C10orf53: variants seen among roughly 807,000 people sequenced by gnomAD.
C10orf53 encodes the protein chromosome 10 open reading frame 53.
In C10orf53, 8 loss-of-function variants were observed where a neutral mutation model predicts 9.4. That is an observed-to-expected ratio of 0.85 (90% CI 0.50 to 1.53). The LOEUF (loss-of-function observed/expected upper bound fraction) is 1.53. Among genes scored for constraint, C10orf53 ranks in the 40% most tolerant of loss-of-function variants. C10orf53 has a pLI of 0.00. For synonymous variants in C10orf53, 48 were observed against 46.0 expected (o/e 1.04, Z -0.18); for missense variants, 117 against 117.8 (o/e 0.99, Z 0.03).
rs920124414 is a variant in C10orf53, at chr10:49,679,752, C to T, written c.55C>T (p.Leu19=). The T allele has an allele frequency of 6.5e-6, 10 of 1,546,744 alleles. No homozygotes were observed. In the African/African-American group the frequency reaches 1.4e-4, roughly 21 times the overall value. Residue 19 remains leucine, a synonymous_variant, in exon 1 of 3, where the codon CTA becomes TTA. Transcript: ENST00000374111. ...LRYGPYSAAG[L]PVEHHTFRLQ... is the part of the protein sequence containing the mutation. Reference sequence around the variant, plus strand: ...CTATGGGCCCTACAGCGCGGCAGGCCTACCGGTGGAGCACCACACCTTCCG... The same window carrying T: ...CTATGGGCCCTACAGCGCGGCAGGCTTACCGGTGGAGCACCACACCTTCCG...
chr10:49,682,186 A>C (rs1191189084), intron 1 of C10orf53, among the ~76,000 whole-genome samples: 1 of 152,208 alleles, frequency 6.6e-6, no homozygotes, highest in African/African-American at 2.4e-5. Context: ...TGGAACCATC[A>C]CTATTCTCTC....
rs151088739 is a variant in C10orf53, at chr10:49,693,888, A to T, written c.212A>T (p.Glu71Val). 6.2e-7 allele frequency: 1 copy of T among 1,614,248 alleles called. No individual in the cohort carries two copies. The highest frequency in any genetic ancestry group is 1.1e-5 in the South Asian group (1 of 91,082). ...TTCCACTGCAACATTAAGGACTTGGAGTTCGGTAAGCCCTTTGGCGATGCT... is the reference window on the plus strand; with the variant it reads ...TTCCACTGCAACATTAAGGACTTGGTGTTCGGTAAGCCCTTTGGCGATGCT... ...VIFHCNIKDL[E>V]FGGDGKLDPL... Residue 71 changes from glutamate (E) to valine (V), a missense_variant, in exon 2 of 3, where the codon GAG becomes GTG. Coordinates refer to ENST00000374111, the MANE Select transcript of C10orf53 (RefSeq NM_001042427.3).
At chr10:49,698,912 G>A (rs1284503819), downstream of C10orf53, among the ~76,000 whole-genome samples, 1 of 152,184 alleles carries the variant, frequency 6.6e-6, no homozygotes, top group Non-Finnish European at 1.5e-5. Context: ...AGCGTAGTGA[G>A]TGCCAGGGAC....
At chr10:49,700,603 C>T (rs1840675212), downstream of C10orf53, among the ~76,000 whole-genome samples, 1 of 152,196 alleles carries the variant, frequency 6.6e-6, no homozygotes, top group Admixed American at 6.5e-5. Context: ...TCCACTTCTC[C>T]CTGATTCTCA....
At chr10:49,688,614 C>T (rs1461146961) in intron 1 of C10orf53, among the ~76,000 whole-genome samples, 1 of 147,368 alleles carries the variant, frequency 6.8e-6, no homozygotes, top group African/African-American at 2.5e-5. Context: ...CTTATGGCCC[C>T]CCTGATCTCA....
chr10:49,702,116 G>A (rs887881844), downstream of C10orf53, among the ~76,000 whole-genome samples: 2 of 151,900 alleles, frequency 1.3e-5, no homozygotes, highest in African/African-American at 4.8e-5. Context: ...AGAATCACTT[G>A]AATCCAGGAG....
At chr10:49,709,965 G>C (rs550656827) in exon 3 of C10orf53, 7,796 of 34,790 alleles carry the variant, frequency 0.22, 280 homozygotes, top group Non-Finnish European at 0.33. Flanking sequence ...GTGTGTGTGT[G>C]TGTGTGTCTG....
intron 1 of C10orf53, among the ~76,000 whole-genome samples, chr10:49,683,411 A>G (rs1840498056): frequency 6.6e-6 from 1 of 152,168 alleles, no homozygotes; most frequent in South Asian, 2.1e-4. Context: ...TTCTTTAGAT[A>G]TTCTGAATAT....
At chr10:49,681,514 G>T (rs1333655186) in intron 1 of C10orf53, among the ~76,000 whole-genome samples, 1 of 152,198 alleles carries the variant, frequency 6.6e-6, no homozygotes, top group Admixed American at 6.5e-5. Flanking sequence ...AGTTGATAGA[G>T]AAATTTCTGT....
At chr10:49,707,419 C>T (rs1840730546) in intron 2 of C10orf53, among the ~76,000 whole-genome samples, 1 of 152,178 alleles carries the variant, frequency 6.6e-6, no homozygotes, top group South Asian at 2.1e-4. Flanking sequence ...TAGGAAGTCT[C>T]CATCACCATA....
chr10:49,679,683 G>A lies in C10orf53; in HGVS notation c.-15G>A. The stretch of plus-strand genomic sequence containing the variant: ...TGTGTTTCTCCCTTGCCTCTGCGGC[G>A]GCGGAGGCCTGGCGATGCCCAAGAA... On this transcript the variant is annotated 5_prime_UTR_variant, in exon 1 of 3. Coordinates refer to ENST00000374111, the MANE Select transcript of C10orf53 (RefSeq NM_001042427.3). 1.3e-6 allele frequency: 2 copies of A among 1,544,526 alleles called. No homozygotes were observed. Among genetic ancestry groups the A allele is most frequent in the Non-Finnish European group, 1.7e-6 (2 of 1,144,324 alleles).
At chr10:49,687,203 A>T (rs1305569555) in intron 1 of C10orf53, among the ~76,000 whole-genome samples, 1 of 152,232 alleles carries the variant, frequency 6.6e-6, no homozygotes, top group Non-Finnish European at 1.5e-5. Flanking sequence ...TTTTGCTGAC[A>T]TAAGTTCCTT....
intron 1 of C10orf53, among the ~76,000 whole-genome samples, chr10:49,692,405 T>C (rs1840593492): frequency 6.6e-6 from 1 of 152,242 alleles, no homozygotes; most frequent in Admixed American, 6.5e-5. Flanking sequence ...ATGTTCACAG[T>C]TGGGGCTGGA....
exon 3 of C10orf53, chr10:49,708,696 A>G (rs1840740685): frequency 1.3e-6 from 2 of 1,553,132 alleles, no homozygotes; most frequent in Admixed American, 3.8e-5. Context: ...ATAAGGGTGA[A>G]TAGATGCTGA....
downstream of C10orf53, among the ~76,000 whole-genome samples, chr10:49,700,440 C>A (rs144564064): frequency 1.8e-3 from 268 of 152,342 alleles, no homozygotes; most frequent in Middle Eastern, 6.8e-3. Context: ...GGTTATCCCC[C>A]ACCCAGACCA....
chr10:49,703,962 G>A lies in C10orf53; in HGVS notation c.218-4399G>A, dbSNP rs891886401. On this transcript the variant is annotated intron_variant, in intron 2 of 2. Coordinates refer to the C10orf53 transcript ENST00000374112. ...GCCTCTCAAATCACTGGAGAAAAGC[G>A]CTCATTCTTAAAATGTGGTTAGGAC... Among the ~76,000 whole-genome samples the A allele has an allele frequency of 7.2e-5, 11 of 152,282 alleles. No individual in the cohort carries two copies. In the East Asian group the frequency reaches 1.2e-3, roughly 16 times the overall value.
At chr10:49,700,109 A>AC (rs1840670039), downstream of C10orf53, among the ~76,000 whole-genome samples, 7 of 152,116 alleles carry the variant, frequency 4.6e-5, no homozygotes, top group African/African-American at 1.4e-4. Flanking sequence ...CTTAGTCCAA[A>AC]CTGCACCACC....
At chr10:49,702,162 A>T (rs1590648451), downstream of C10orf53, among the ~76,000 whole-genome samples, 1 of 140,360 alleles carries the variant, frequency 7.1e-6, no homozygotes, top group African/African-American at 2.6e-5. Flanking sequence ...GCACCACCTC[A>T]CTCCAGCCTG....
intron 2 of C10orf53, among the ~76,000 whole-genome samples, chr10:49,706,434 A>G (rs1040815081): frequency 6.6e-6 from 1 of 152,246 alleles, no homozygotes; most frequent in African/African-American, 2.4e-5. Flanking sequence ...ATATGCTACA[A>G]CAGGCATGAA....
Sources: allele counts gnomAD v4.1 joint callset (sites outside exome capture counted in the v4.1 genomes callset), GRCh38; gene constraint gnomAD v4.1.1; transcripts MANE v1.5; gene names NCBI Gene and HGNC (gene_info 2026-07-23, HGNC 2026-07-21).